LINGO1: variants seen among roughly 807,000 people sequenced by gnomAD.
LINGO1 encodes leucine rich repeat and Ig domain containing 1.
LINGO1 carries 11 observed loss-of-function variants against 37.3 expected under a neutral mutation model. The ratio of observed to expected loss-of-function variants is 0.29; its 90% confidence interval spans 0.19 to 0.49. LINGO1 has a LOEUF of 0.49. LINGO1 is among the 20% of genes least tolerant of loss of function. The pLI is 0.99. For missense variants in LINGO1, 585 were observed against 878.2 expected, an observed-to-expected ratio of 0.67 and a Z score of 4.22; for synonymous variants, 387 against 403.0, an observed-to-expected ratio of 0.96 and a Z score of 0.48.
Position 77,652,483 on chromosome 15 carries a change from AGTGTGTGTGTGTGT to A in LINGO1, c.-13+24592_-13+24605del, listed in dbSNP as rs773433884. Among the ~76,000 whole-genome samples, 644 of 128,962 alleles carry A rather than the reference AGTGTGTGTGTGTGT, an allele frequency of 5.0e-3. 5 individuals carry two copies. The highest frequency in any genetic ancestry group is 6.3e-3 in the Admixed American group (82 of 13,066). The allele number at this position is 128,962 out of a possible 152,430, so 84.6% of individuals were successfully genotyped here. ...CCTACAGCTGCAGCTGGGGAGGGAGAGTGTGTGTGTGTGTGTGTGTGTGTGTGTGTGTGTGTGTG... is the reference window on the plus strand; with the variant it reads ...CCTACAGCTGCAGCTGGGGAGGGAGAGTGTGTGTGTGTGTGTGTGTGTGTG... On this transcript the variant is annotated intron_variant, in intron 3 of 3. Coordinates refer to the LINGO1 transcript ENST00000559893.
chr15:77,747,902 G>A (rs1006596270), intron 1 of LINGO1, among the ~76,000 whole-genome samples: 5 of 152,200 alleles, frequency 3.3e-5, no homozygotes, highest in Non-Finnish European at 7.3e-5. Flanking sequence ...GGAGGAGGAG[G>A]GTGGGTGGGT....
chr15:77,771,865 C>G (rs532882795), intron 1 of LINGO1, among the ~76,000 whole-genome samples: 18 of 152,240 alleles, frequency 1.2e-4, no homozygotes, highest in Non-Finnish European at 2.1e-4. Context: ...CTTCCTGACT[C>G]TGGTCCTGGC....
At chr15:77,671,226 G>A (rs937278216) in intron 3 of LINGO1, among the ~76,000 whole-genome samples, 8 of 151,610 alleles carry the variant, frequency 5.3e-5, no homozygotes, top group Non-Finnish European at 1.0e-4. Context: ...GATATCTCAG[G>A]GTCTGACTGC....
intron 2 of LINGO1, among the ~76,000 whole-genome samples, chr15:77,720,256 A>G (rs2076035228): frequency 6.6e-6 from 1 of 152,238 alleles, no homozygotes; most frequent in African/African-American, 2.4e-5. Flanking sequence ...GAGGAAATAA[A>G]CAGCAATTAG....
At chr15:77,792,601 G>A (rs1567586977) in intron 2 of LINGO1, among the ~76,000 whole-genome samples, 1 of 152,126 alleles carries the variant, frequency 6.6e-6, no homozygotes, top group Non-Finnish European at 1.5e-5. Context: ...TCCAGAGAAG[G>A]GCTCCAGAGA....
intron 3 of LINGO1, among the ~76,000 whole-genome samples, chr15:77,664,168 T>TGTGTGTGC (rs1555527586): frequency 5.0e-5 from 6 of 120,262 alleles, no homozygotes; most frequent in African/African-American, 1.8e-4. Context: ...TGTGTGTGTG[T>TGTGTGTGC]GTGCGCGCGC....
chr15:77,775,916 C>A (rs1272407222), intron 1 of LINGO1, among the ~76,000 whole-genome samples: 2 of 152,148 alleles, frequency 1.3e-5, no homozygotes, highest in Non-Finnish European at 2.9e-5. Context: ...CCTCCGTCAG[C>A]ATCCCCCCCA....
chr15:77,808,372 C>T (rs2076977436), intron 1 of LINGO1, among the ~76,000 whole-genome samples: 1 of 152,126 alleles, frequency 6.6e-6, no homozygotes, highest in South Asian at 2.1e-4. Flanking sequence ...TGTATCGGGG[C>T]AAAGGCCTTG....
intron 1 of LINGO1, among the ~76,000 whole-genome samples, chr15:77,752,573 G>C (rs1216843466): frequency 6.6e-6 from 1 of 152,172 alleles, no homozygotes; most frequent in African/African-American, 2.4e-5. Flanking sequence ...AAAGATTACA[G>C]GTTGGGCAAT....
intron 3 of LINGO1, among the ~76,000 whole-genome samples, chr15:77,662,842 G>A (rs539212992): frequency 6.6e-5 from 10 of 152,334 alleles, no homozygotes; most frequent in Admixed American, 4.6e-4. Context: ...AGATGCACAC[G>A]ATGACAGCAA....
At chr15:77,756,618 G>A (rs1207383386) in intron 1 of LINGO1, among the ~76,000 whole-genome samples, 11 of 152,218 alleles carry the variant, frequency 7.2e-5, no homozygotes, top group Non-Finnish European at 7.3e-5. Context: ...TGGTTGGTGA[G>A]GAAGTGAACG....
intron 3 of LINGO1, among the ~76,000 whole-genome samples, chr15:77,652,520 G>GTGTGTGTGTGTGTGTGTGTA (rs1471731142): frequency 6.6e-6 from 1 of 151,012 alleles, no homozygotes; most frequent in East Asian, 1.9e-4. Flanking sequence ...GTGTGTGTGT[G>GTGTGTGTGTGTGTGTGTGTA]TGTGTGTGTG....
intron 1 of LINGO1, among the ~76,000 whole-genome samples, chr15:77,817,407 C>A (rs1185092560): frequency 6.6e-6 from 1 of 152,104 alleles, no homozygotes; most frequent in African/African-American, 2.4e-5. Flanking sequence ...TTTTGGGGCC[C>A]AAACACAAGG....
upstream of LINGO1, among the ~76,000 whole-genome samples, chr15:77,698,573 T>C (rs945855866): frequency 2.6e-5 from 4 of 152,122 alleles, no homozygotes; most frequent in East Asian, 1.9e-4. Context: ...GGCTGGCTCA[T>C]GGTCCTCCGG....
chr15:77,776,552 G>GGAAGGCAGGAAAGCAGGAAGGCA (rs2076656202), intron 1 of LINGO1, among the ~76,000 whole-genome samples: 2 of 145,314 alleles, frequency 1.4e-5, no homozygotes, highest in Non-Finnish European at 3.0e-5. Context: ...GAGGGAGGGA[G>GGAAGGCAGGAAAGCAGGAAGGCA]GGAGGGAGCT....
At chr15:77,749,730 G>T (rs563572669) in intron 1 of LINGO1, among the ~76,000 whole-genome samples, 12 of 152,214 alleles carry the variant, frequency 7.9e-5, no homozygotes, top group Non-Finnish European at 1.8e-4. Flanking sequence ...TCTCCTAAGG[G>T]GTTATCCTCA....
intron 1 of LINGO1, among the ~76,000 whole-genome samples, chr15:77,798,079 G>A (rs919075252): frequency 7.9e-5 from 12 of 152,172 alleles, no homozygotes; most frequent in East Asian, 1.9e-4. Flanking sequence ...TCAGCCCCAC[G>A]GTTCACCAGC....
chr15:77,630,729 G>A (rs535647540), intron 1 of LINGO1, among the ~76,000 whole-genome samples: 1 of 152,308 alleles, frequency 6.6e-6, no homozygotes, highest in South Asian at 2.1e-4. Context: ...GTCAGGGGGT[G>A]AGGAGGGGGG....
At chr15:77,699,470 A>G (rs1000484399), upstream of LINGO1, among the ~76,000 whole-genome samples, 5 of 2,494 alleles carry the variant, frequency 2.0e-3, no homozygotes, top group Middle Eastern at 0.17. Flanking sequence ...CCACCTGCAC[A>G]CAGTAAGCAC....
Sources: gnomAD v4.1 joint callset for allele counts (sites outside exome capture counted in the v4.1 genomes callset) on GRCh38, gnomAD v4.1.1 for gene constraint, MANE v1.5 for transcripts, NCBI Gene and HGNC (gene_info 2026-07-23, HGNC 2026-07-21) for gene names.